HAPLN1: variants seen among roughly 807,000 people sequenced by gnomAD.
The protein encoded by HAPLN1 is Cartilage link protein.
Under a neutral mutation model 36.5 loss-of-function variants are expected in HAPLN1, and 13 were observed. The ratio of observed to expected loss-of-function variants is 0.36; its 90% CI spans 0.23 to 0.57. HAPLN1 has a LOEUF of 0.57. HAPLN1 is among the 20% of genes least tolerant of loss of function. The pLI, the probability that HAPLN1 is intolerant of heterozygous loss-of-function variation, is 0.83. For missense variants in HAPLN1, 407 were observed against 439.7 expected, an observed-to-expected ratio of 0.93 and a Z score of 0.66; for synonymous variants, 202 against 169.8, an observed-to-expected ratio of 1.19 and a Z score of -1.48.
chr5:83,646,407 A>T (rs1339584878), intron 3 of HAPLN1, among the ~76,000 whole-genome samples: 1 of 152,242 alleles, frequency 6.6e-6, no homozygotes, highest in Non-Finnish European at 1.5e-5. Context: ...GTACAAACTC[A>T]CTAATAGCAT....
rs183256739 is a variant in HAPLN1 at position 83,707,000 on chromosome 5, C to G, written c.-27+13789G>C. ...CAATTGCCACAGAAAGAACAAAGTA[C>G]CTAGGAATACGGCTAACCAGGGAGG... On this transcript the variant is annotated intron_variant, in intron 1 of 4. Transcript: ENST00000274341. Among the ~76,000 whole-genome samples, 3 of 152,200 alleles carry G rather than the reference C, an allele frequency of 2.0e-5. No homozygotes were observed. In the East Asian group the frequency reaches 5.8e-4, roughly 29 times the overall value.
chr5:83,708,655 C>A (rs553147584), intron 1 of HAPLN1, among the ~76,000 whole-genome samples: 1 of 151,978 alleles, frequency 6.6e-6, no homozygotes, highest in East Asian at 1.9e-4. Context: ...TACAACTAAC[C>A]CCCATGACAC....
intron 1 of HAPLN1, among the ~76,000 whole-genome samples, chr5:83,676,950 C>T (rs947532656): frequency 3.9e-5 from 6 of 152,126 alleles, no homozygotes; most frequent in African/African-American, 1.4e-4. Context: ...ATAATTGAAG[C>T]ATGATTTGGA....
At position 83,641,258 on chromosome 5, in the gene HAPLN1, T is replaced by C; in HGVS notation, c.*238A>G. On this transcript the variant is annotated 3_prime_UTR_variant, in exon 5 of 5. Coordinates refer to ENST00000274341, the MANE Select transcript of HAPLN1 (RefSeq NM_001884.4). ...TTGGGATGATACAGCTTAAACAGTT[T>C]GGCTCTAAGTCTCCTTACATAGAGC... 1 of 215,782 alleles carries C rather than the reference T, an allele frequency of 4.6e-6. No homozygotes were observed. Among genetic ancestry groups the C allele is most frequent in the Non-Finnish European group, 9.0e-6 (1 of 111,542 alleles). The allele number at this position is 215,782 out of a possible 1,614,324, so 13.4% of individuals were successfully genotyped here.
In HAPLN1 at chr5:83,640,492, C is replaced by T. The variant is rs1025889638; in HGVS notation, c.*1004G>A. 1.3e-5 allele frequency: 2 copies of T among 152,036 alleles called. No individual in the cohort carries two copies. The highest frequency in any genetic ancestry group is 6.6e-5 in the Admixed American group (1 of 15,252). The allele number at this position is 152,036 out of a possible 1,614,324, so 9.4% of individuals were successfully genotyped here. A position where few individuals can be genotyped will look rare whatever the true frequency, so the allele number is the denominator to read the frequency against. ...ATAATAAGAATTTTGAAAGTTGCAT[C>T]TTTGTTTCTGCATTAGGGATTCCTT... is the stretch of plus-strand genomic sequence containing the variant. On this transcript the variant is annotated 3_prime_UTR_variant, in exon 5 of 5. Transcript: ENST00000274341.
In HAPLN1 at chr5:83,637,932, T is replaced by C. The variant is rs540912769; in HGVS notation, c.*3564A>G. The C allele has an allele frequency of 6.6e-6, 1 of 151,970 alleles. No individual in the cohort carries two copies. Among genetic ancestry groups the C allele is most frequent in the Non-Finnish European group, 1.5e-5 (1 of 67,906 alleles). The allele number at this position is 151,970 out of a possible 1,614,324, so 9.4% of individuals were successfully genotyped here. A position where few individuals can be genotyped will look rare whatever the true frequency, so the allele number is the denominator to read the frequency against. ...CTGAACTGGTGGGCAAAATTAATTATGCTTTGAGTCATATACAAAGAGAAA... is the reference window on the plus strand; with the variant it reads ...CTGAACTGGTGGGCAAAATTAATTACGCTTTGAGTCATATACAAAGAGAAA... On this transcript the variant is annotated 3_prime_UTR_variant, in exon 5 of 5. Coordinates refer to ENST00000274341, the MANE Select transcript of HAPLN1 (RefSeq NM_001884.4).
At chr5:83,663,575 C>A (rs1014862163) in intron 2 of HAPLN1, among the ~76,000 whole-genome samples, 33 of 152,276 alleles carry the variant, frequency 2.2e-4, no homozygotes, top group African/African-American at 6.7e-4. Context: ...GAGCATGAAA[C>A]TAGTAAACCC....
intron 1 of HAPLN1, among the ~76,000 whole-genome samples, chr5:83,698,923 A>T (rs1751449010): frequency 6.6e-6 from 1 of 152,214 alleles, no homozygotes; most frequent in African/African-American, 2.4e-5. Flanking sequence ...TATACATGAT[A>T]CTCAATTCTA....
intron 1 of HAPLN1, among the ~76,000 whole-genome samples, chr5:83,695,768 T>A (rs910973781): frequency 6.6e-5 from 10 of 151,442 alleles, no homozygotes; most frequent in African/African-American, 2.2e-4. Flanking sequence ...AAAAAGGAAC[T>A]TCCTCAATCT....
chr5:83,676,740 C>G (rs1199291135), intron 1 of HAPLN1, among the ~76,000 whole-genome samples: 1 of 152,120 alleles, frequency 6.6e-6, no homozygotes, highest in Non-Finnish European at 1.5e-5. Context: ...ATCGGGGAGA[C>G]TTTTCCACAA....
intron 1 of HAPLN1, among the ~76,000 whole-genome samples, chr5:83,717,486 T>C (rs546193081): frequency 1.3e-5 from 2 of 152,332 alleles, no homozygotes; most frequent in African/African-American, 4.8e-5. Flanking sequence ...ATCATTTTTT[T>C]CTACTGAGGC....
chr5:83,674,265 C>T (rs983170987), intron 1 of HAPLN1: 6 of 152,114 alleles, frequency 3.9e-5, no homozygotes, highest in African/African-American at 1.4e-4. Context: ...GCTGACGCAC[C>T]AACTTAGAGT....
chr5:83,644,267 G>C (rs1336517357), intron 4 of HAPLN1, 96 bp downstream of exon 4: 2 of 1,008,880 alleles, frequency 2.0e-6, no homozygotes, highest in African/African-American at 3.8e-5. Flanking sequence ...GTTTTTGTTT[G>C]TTTTTCTAAG....
chr5:83,647,842 T>C (rs951312948), intron 3 of HAPLN1, among the ~76,000 whole-genome samples: 3 of 152,178 alleles, frequency 2.0e-5, no homozygotes, highest in Non-Finnish European at 4.4e-5. Context: ...GCAGCGACCA[T>C]GTAGCATAAA....
intron 2 of HAPLN1, among the ~76,000 whole-genome samples, chr5:83,670,360 T>A (rs1750673549): frequency 6.6e-6 from 1 of 152,198 alleles, no homozygotes; most frequent in Admixed American, 6.5e-5. Context: ...CAGTGGCCCC[T>A]CTTCCTGTAG....
At chr5:83,673,366 C>T (rs1051256289) in intron 2 of HAPLN1, 58 bp downstream of exon 2, 2 of 1,196,648 alleles carry the variant, frequency 1.7e-6, no homozygotes, top group South Asian at 1.4e-5. Context: ...CCCAGCATCT[C>T]AACTCTAAGT....
rs527943442 is a variant in HAPLN1 at position 83,669,747 on chromosome 5, C to T, written c.100+3677G>A. On this transcript the variant is annotated intron_variant, in intron 2 of 4. Coordinates refer to ENST00000274341, the MANE Select transcript of HAPLN1 (RefSeq NM_001884.4). ...GAAGCAATAAACATAATGATAACAA[C>T]CACCTGGATAAGTATTGGCTCTTGG... is the stretch of plus-strand genomic sequence containing the variant. Among the ~76,000 whole-genome samples the T allele has an allele frequency of 3.9e-5, 6 of 152,242 alleles. No homozygotes were observed. In the East Asian group the frequency reaches 1.2e-3, roughly 29 times the overall value.
chr5:83,709,324 A>C (rs191374985), intron 1 of HAPLN1, among the ~76,000 whole-genome samples: 15 of 152,344 alleles, frequency 9.8e-5, no homozygotes, highest in Admixed American at 8.5e-4. Context: ...CCTAAAAATA[A>C]TCTAATTTCT....
intron 2 of HAPLN1, among the ~76,000 whole-genome samples, chr5:83,656,873 T>A (rs181133456): frequency 6.6e-6 from 1 of 152,250 alleles, no homozygotes; most frequent in Non-Finnish European, 1.5e-5. Flanking sequence ...AGCAAACAAC[T>A]GATCTTTACA....
Sources: gnomAD v4.1 joint callset for allele counts (sites outside exome capture counted in the v4.1 genomes callset) on GRCh38, gnomAD v4.1.1 for gene constraint, MANE v1.5 for transcripts, NCBI Gene and HGNC (gene_info 2026-07-23, HGNC 2026-07-21) for gene names.